The following GPR137C variants were observed in gnomAD, a reference collection of about 807,000 sequenced individuals.
The protein encoded by GPR137C is integral membrane protein GPR137C.
In GPR137C, 27 loss-of-function variants were observed where a neutral mutation model predicts 43.4. The ratio of observed to expected loss-of-function variants is 0.62; its 90% confidence interval spans 0.46 to 0.86. GPR137C has a LOEUF of 0.86. Ranked by LOEUF, GPR137C falls within the 40% of genes least tolerant of loss-of-function variation. The pLI, the probability that GPR137C is intolerant of heterozygous loss-of-function variation, is 0.00. For synonymous variants in GPR137C, 285 were observed against 226.9 expected, an observed-to-expected ratio of 1.26 and a Z score of -2.30; for missense variants, 522 against 534.6, an observed-to-expected ratio of 0.98 and a Z score of 0.23.
intron 3 of GPR137C, chr14:52,612,126 T>A: frequency 1.0e-6 from 1 of 983,528 alleles, no homozygotes; most frequent in Non-Finnish European, 1.2e-6. Flanking sequence ...CATATTATCC[T>A]TACTAAAAAT....
rs1259867216 is a variant in GPR137C at position 52,637,403 on chromosome 14, A to G, written c.*2288A>G. The G allele has an allele frequency of 6.6e-6, 1 of 152,130 alleles. No individual in the cohort carries two copies. The highest frequency in any genetic ancestry group is 1.5e-5 in the Non-Finnish European group (1 of 68,006). The allele number at this position is 152,130 out of a possible 1,614,324, so 9.4% of individuals were successfully genotyped here. On this transcript the variant is annotated 3_prime_UTR_variant, in exon 7 of 7. Coordinates refer to ENST00000321662, the MANE Select transcript of GPR137C (RefSeq NM_001099652.2). ...TTTTGTTCATTAAAAAGTGAATTTC[A>G]TTACTTAAGTGTGTAATTCTATAGT... is the stretch of plus-strand genomic sequence containing the variant.
chr14:52,631,953 C>CAAAA (rs35962083), intron 3 of GPR137C, among the ~76,000 whole-genome samples: 1 of 128,960 alleles, frequency 7.8e-6, no homozygotes. Flanking sequence ...GGCAAGTTGG[C>CAAAA]AAAAAAAAAA....
At chr14:52,611,586 A>T in intron 3 of GPR137C, 2 of 424,110 alleles carry the variant, frequency 4.7e-6, no homozygotes, top group Non-Finnish European at 6.3e-6. Flanking sequence ...AAATGTTATT[A>T]AACCTACACT....
chr14:52,568,916 G>C (rs2038417884), intron 1 of GPR137C, among the ~76,000 whole-genome samples: 6 of 152,314 alleles, frequency 3.9e-5, no homozygotes, highest in Middle Eastern at 6.8e-3. Context: ...GAGAGCAGCG[G>C]ATCTCCCAGC....
chr14:52,572,060 C>A lies in GPR137C; in HGVS notation c.444+18469C>A, dbSNP rs372477238. Reference sequence around the variant, plus strand: ...AGACTAAACCAGGAAGAAGTCAAATCCCCGAGTAGACCAATAACAACTTCT... The same window carrying A: ...AGACTAAACCAGGAAGAAGTCAAATACCCGAGTAGACCAATAACAACTTCT... On this transcript the variant is annotated intron_variant, in intron 1 of 6. Transcript: ENST00000321662. Among the ~76,000 whole-genome samples the A allele has an allele frequency of 3.9e-5, 6 of 152,274 alleles. 1 individual carries two copies. The South Asian group carries it at 6.2e-4, about 16-fold the overall frequency.
At chr14:52,581,077 TCTC>T (rs2038639155) in intron 1 of GPR137C, among the ~76,000 whole-genome samples, 1 of 150,794 alleles carries the variant, frequency 6.6e-6, no homozygotes, top group African/African-American at 2.4e-5. Context: ...ATGCCTGTAA[TCTC>T]AGCTACTCAG....
intron 1 of GPR137C, among the ~76,000 whole-genome samples, chr14:52,555,743 A>T (rs1490346276): frequency 6.6e-6 from 1 of 152,186 alleles, no homozygotes. Context: ...TTCCTTTGTA[A>T]TGCCTGCTAA....
At chr14:52,587,304 C>G (rs1272816633) in intron 1 of GPR137C, among the ~76,000 whole-genome samples, 1 of 152,154 alleles carries the variant, frequency 6.6e-6, no homozygotes, top group East Asian at 1.9e-4. Context: ...AGAGTTTTCT[C>G]TCTCCCTGAG....
At chr14:52,554,118 C>T (rs1411405387) in intron 1 of GPR137C, among the ~76,000 whole-genome samples, 2 of 152,192 alleles carry the variant, frequency 1.3e-5, no homozygotes, top group Non-Finnish European at 2.9e-5. Flanking sequence ...TTTCCTGTGG[C>T]TCGATAAGCC....
chr14:52,619,977 T>C (rs928977643), intron 3 of GPR137C, among the ~76,000 whole-genome samples: 1 of 152,114 alleles, frequency 6.6e-6, no homozygotes, highest in African/African-American at 2.4e-5. Context: ...ATGGCTAAGA[T>C]TGCTCCTAAT....
At chr14:52,568,757 G>A (rs2038414720) in intron 1 of GPR137C, among the ~76,000 whole-genome samples, 1 of 152,216 alleles carries the variant, frequency 6.6e-6, no homozygotes, top group Admixed American at 6.5e-5. Context: ...TCTCCTCTCT[G>A]AGCAGGGCAT....
intron 1 of GPR137C, among the ~76,000 whole-genome samples, chr14:52,562,781 G>T (rs1459808323): frequency 6.6e-6 from 1 of 152,034 alleles, no homozygotes; most frequent in Non-Finnish European, 1.5e-5. Context: ...TTACAACCTG[G>T]AATATTTACA....
At chr14:52,580,439 T>G (rs1422354390) in intron 1 of GPR137C, among the ~76,000 whole-genome samples, 1 of 152,118 alleles carries the variant, frequency 6.6e-6, no homozygotes, top group East Asian at 1.9e-4. Context: ...CTCGGCTCAC[T>G]GCAATCTTCG....
intron 1 of GPR137C, among the ~76,000 whole-genome samples, chr14:52,574,090 G>A (rs536953012): frequency 1.3e-5 from 2 of 152,304 alleles, no homozygotes; most frequent in South Asian, 4.1e-4. Flanking sequence ...AGAGCATGTG[G>A]AGAAATAGGA....
chr14:52,577,183 CAAAAAAAA>C (rs34249999), intron 1 of GPR137C, among the ~76,000 whole-genome samples: 11 of 41,168 alleles, frequency 2.7e-4, no homozygotes, highest in African/African-American at 6.2e-4. Context: ...TAAGACTCCT[CAAAAAAAA>C]AAAAAAAAAA....
chr14:52,571,422 A>G (rs1366093017), intron 1 of GPR137C, among the ~76,000 whole-genome samples: 7 of 152,150 alleles, frequency 4.6e-5, no homozygotes, highest in Non-Finnish European at 1.0e-4. Flanking sequence ...TCACAACTAA[A>G]AAGAACTAGA....
chr14:52,580,938 C>G (rs2038636512), intron 1 of GPR137C, among the ~76,000 whole-genome samples: 1 of 149,960 alleles, frequency 6.7e-6, no homozygotes, highest in South Asian at 2.1e-4. Flanking sequence ...GTGGCTCACA[C>G]CTGTAATCCC....
intron 3 of GPR137C, chr14:52,611,983 T>G (rs1050263485): frequency 2.0e-6 from 2 of 985,320 alleles, no homozygotes; most frequent in Non-Finnish European, 2.4e-6. Context: ...AAAAATCCTT[T>G]CATTACCCAT....
chr14:52,554,473 G>T (rs1369304740), intron 1 of GPR137C, among the ~76,000 whole-genome samples: 2 of 152,128 alleles, frequency 1.3e-5, no homozygotes, highest in Admixed American at 1.3e-4. Context: ...TTTCAAACAG[G>T]TTTGGGAGTG....
Sources: allele counts gnomAD v4.1 joint callset (sites outside exome capture counted in the v4.1 genomes callset), GRCh38; gene constraint gnomAD v4.1.1; transcripts MANE v1.5; gene names NCBI Gene and HGNC (gene_info 2026-07-23, HGNC 2026-07-21).